PLCL1: variants seen among roughly 807,000 people sequenced by gnomAD.
The protein encoded by PLCL1 is inactive phospholipase C-like protein 1.
A neutral mutation model predicts 84.4 loss-of-function variants in PLCL1; 41 were observed. The ratio of observed to expected loss-of-function variants is 0.49; its 90% CI spans 0.38 to 0.63. PLCL1 has a LOEUF of 0.63. Ranked by LOEUF, PLCL1 falls within the 30% of genes least tolerant of loss-of-function variation. The pLI, the probability that PLCL1 is intolerant of heterozygous loss-of-function variation, is 0.00. For missense variants in PLCL1, 1,206 were observed against 1,367.8 expected, an observed-to-expected ratio of 0.88 and a Z score of 1.87; for synonymous variants, 490 against 488.3, an observed-to-expected ratio of 1.00 and a Z score of -0.05.
At chr2:197,890,265 G>A (rs761890701) in intron 1 of PLCL1, among the ~76,000 whole-genome samples, 6 of 152,176 alleles carry the variant, frequency 3.9e-5, no homozygotes, top group African/African-American at 7.2e-5. Context: ...AGTGTTATGA[G>A]ATAAGATATT....
chr2:198,113,259 G>T (rs1388163483), intron 5 of PLCL1, among the ~76,000 whole-genome samples: 1 of 151,874 alleles, frequency 6.6e-6, no homozygotes, highest in African/African-American at 2.4e-5. Flanking sequence ...CATAAATGAG[G>T]CTTCTAATCC....
intron 1 of PLCL1, among the ~76,000 whole-genome samples, chr2:197,867,685 C>A (rs985944908): frequency 6.6e-5 from 10 of 152,078 alleles, no homozygotes; most frequent in Admixed American, 5.2e-4. Flanking sequence ...TGCTACACCT[C>A]GCTTCTCTGG....
chr2:198,016,508 C>T (rs1488097419), intron 1 of PLCL1, among the ~76,000 whole-genome samples: 3 of 152,128 alleles, frequency 2.0e-5, no homozygotes, highest in African/African-American at 7.2e-5. Context: ...TTTGGGGTCA[C>T]AGGTAGTTCT....
chr2:197,828,531 G>A (rs1690982147), intron 1 of PLCL1, among the ~76,000 whole-genome samples: 1 of 152,034 alleles, frequency 6.6e-6, no homozygotes. Flanking sequence ...ACAATCAAGT[G>A]TGGCTTTTGA....
intron 1 of PLCL1, among the ~76,000 whole-genome samples, chr2:197,998,188 T>G (rs576617387): frequency 2.2e-4 from 31 of 142,950 alleles, no homozygotes; most frequent in Non-Finnish European, 3.5e-4. Context: ...TGTGTGTGTG[T>G]GTGTGTGTGT....
chr2:197,875,604 C>A (rs1687719408), intron 1 of PLCL1, among the ~76,000 whole-genome samples: 1 of 152,012 alleles, frequency 6.6e-6, no homozygotes. Context: ...TAAATAATTA[C>A]TACAGAAGTC....
intron 1 of PLCL1, among the ~76,000 whole-genome samples, chr2:198,019,954 A>G (rs966603687): frequency 1.3e-5 from 2 of 152,230 alleles, no homozygotes; most frequent in Non-Finnish European, 2.9e-5. Flanking sequence ...ACCAAGGTTG[A>G]AATGAAGGGA....
At chr2:198,098,924 C>A (rs1693263030) in intron 3 of PLCL1, among the ~76,000 whole-genome samples, 1 of 152,042 alleles carries the variant, frequency 6.6e-6, no homozygotes, top group African/African-American at 2.4e-5. Flanking sequence ...CTTTACACAC[C>A]CCTGCTCTGG....
intron 3 of PLCL1, 94 bp from the exon 4 acceptor site, chr2:198,101,191 G>A: frequency 1.3e-6 from 1 of 748,088 alleles, no homozygotes; most frequent in Non-Finnish European, 2.4e-6. Flanking sequence ...TACTTTTACT[G>A]GAGGTATCAT....
intron 1 of PLCL1, among the ~76,000 whole-genome samples, chr2:197,914,760 G>A (rs758558235): frequency 3.9e-5 from 6 of 152,234 alleles, no homozygotes; most frequent in Admixed American, 2.6e-4. Flanking sequence ...TACCTACTGT[G>A]TGAGGGGGTT....
At chr2:198,069,943 A>G (rs1247325475) in intron 1 of PLCL1, among the ~76,000 whole-genome samples, 4 of 152,198 alleles carry the variant, frequency 2.6e-5, no homozygotes, top group Non-Finnish European at 4.4e-5. Flanking sequence ...GGATTAGAAG[A>G]CAATGAAAGA....
Position 197,822,984 on chromosome 2 carries a change from A to C in PLCL1, c.240+17645A>C, listed in dbSNP as rs949030763. ...TGGCAGCTGGATTCAATTTAATATG[A>C]TGTATAAAGCCGTTGTACTTTTCTT... On this transcript the variant is annotated intron_variant, in intron 1 of 5. Coordinates refer to ENST00000428675, the MANE Select transcript of PLCL1 (RefSeq NM_006226.4). Among the ~76,000 whole-genome samples the C allele has an allele frequency of 7.2e-5, 11 of 152,282 alleles. No homozygotes were observed. In the South Asian group the frequency reaches 2.3e-3, roughly 32 times the overall value.
At chr2:197,984,202 T>G (rs1690174420) in intron 1 of PLCL1, among the ~76,000 whole-genome samples, 1 of 152,270 alleles carries the variant, frequency 6.6e-6, no homozygotes, top group African/African-American at 2.4e-5. Context: ...TTTCAACATG[T>G]TTTACTTTCA....
rs1479655367 is a variant in PLCL1 at position 197,977,321 on chromosome 2, C to G, written c.241-106437C>G. ...CCCTGTTGTCCTATTAGGACAGCTT[C>G]AGTCTCTAGCTAGCCACCAGCTGCT... On this transcript the variant is annotated intron_variant, in intron 1 of 5. Coordinates refer to ENST00000428675, the MANE Select transcript of PLCL1 (RefSeq NM_006226.4). 2.0e-5 allele frequency among the ~76,000 whole-genome samples: 3 copies of G among 151,920 alleles called. No homozygotes were observed. The South Asian group carries it at 6.3e-4, about 32-fold the overall frequency.
At position 198,040,717 on chromosome 2, in the gene PLCL1, G is replaced by C. The variant is rs924723903; in HGVS notation, c.241-43041G>C. On this transcript the variant is annotated intron_variant, in intron 1 of 5. Transcript: ENST00000428675. ...GCTCTGTGAGCTGAGTGGTGAAGTT[G>C]CACATTTTCTAATTGGAGAAAACAT... Among the ~76,000 whole-genome samples, 5 of 152,168 alleles carry C rather than the reference G, an allele frequency of 3.3e-5. No homozygotes were observed. In the South Asian group the frequency reaches 8.3e-4, roughly 25 times the overall value.
intron 1 of PLCL1, among the ~76,000 whole-genome samples, chr2:197,842,326 A>C (rs571395289): frequency 6.6e-6 from 1 of 151,994 alleles, no homozygotes; most frequent in Non-Finnish European, 1.5e-5. Flanking sequence ...ATCTCTGGGA[A>C]CCCTACTCTT....
chr2:198,085,422 T>G lies in PLCL1; in HGVS notation c.1905T>G (p.Asn635Lys), dbSNP rs1405825913. 1 of 1,612,780 alleles carries G rather than the reference T, an allele frequency of 6.2e-7. No homozygotes were observed. Among genetic ancestry groups the G allele is most frequent in the Non-Finnish European group, 8.5e-7 (1 of 1,178,912 alleles). ...ACCCAGAGGATTTTGTTAATTATAA[T>G]AAGAAGTTCTTATCAAGAATCTATC... ...NEYPEDFVNY[N>K]KKFLSRIYPS... is the part of the protein sequence containing the mutation. Residue 635 changes from asparagine (N) to lysine (K), a missense_variant, in exon 2 of 6, where the codon AAT becomes AAG. Transcript: ENST00000428675. This position sits in a 1 kb window ranked among gnomAD's most constrained non-coding sequence, Gnocchi z 5.3.
At chr2:198,107,759 G>C (rs1693524503) in intron 5 of PLCL1, among the ~76,000 whole-genome samples, 2 of 151,930 alleles carry the variant, frequency 1.3e-5, no homozygotes, top group South Asian at 2.1e-4. Flanking sequence ...TTCCAAGAGA[G>C]AGCTTTTCAG....
chr2:197,866,638 T>A (rs1435649986), intron 1 of PLCL1, among the ~76,000 whole-genome samples: 1 of 152,126 alleles, frequency 6.6e-6, no homozygotes, highest in Non-Finnish European at 1.5e-5. Flanking sequence ...AGAGGTGACA[T>A]ATAAATACTC....
Sources: allele counts gnomAD v4.1 joint callset (sites outside exome capture counted in the v4.1 genomes callset), GRCh38; gene constraint gnomAD v4.1.1; non-coding constraint Gnocchi (gnomAD v3.1); transcripts MANE v1.5; gene names NCBI Gene and HGNC (gene_info 2026-07-23, HGNC 2026-07-21).